ANO2: variants seen among roughly 807,000 people sequenced by gnomAD.
ANO2 encodes anoctamin-2.
In ANO2, 101 loss-of-function variants were observed where a neutral mutation model predicts 124.2. The ratio of observed to expected loss-of-function variants is 0.81; its 90% CI spans 0.69 to 0.96. The LOEUF (loss-of-function observed/expected upper bound fraction) is 0.96, where lower values mean the gene tolerates loss of function less well. Ranked by LOEUF, ANO2 falls within the 40% of genes least tolerant of loss-of-function variation. The probability of loss-of-function intolerance (pLI) is 0.00; values close to 1 mark genes in which losing one functional copy is unlikely to be tolerated. For missense variants in ANO2, 1,293 were observed against 1,274.5 expected (o/e 1.01, Z -0.22); for synonymous variants, 486 against 482.5 (o/e 1.01, Z -0.09).
chr12:5,759,650 G>A (rs1951682719), intron 10 of ANO2, among the ~76,000 whole-genome samples: 1 of 149,740 alleles, frequency 6.7e-6, no homozygotes, highest in Middle Eastern at 3.2e-3. Flanking sequence ...AATGCCTGAT[G>A]ATCTGAGGTA....
chr12:5,897,737 CAAA>C lies in ANO2; in HGVS notation c.534+23300_534+23302del, dbSNP rs59719568. On this transcript the variant is annotated intron_variant, in intron 3 of 24. Transcript: ENST00000682330. The stretch of plus-strand genomic sequence containing the variant: ...CTCACACCTCATGCCACATACAGAC[CAAA>C]AAAAAAAAAAATCAATTCTATGTGG... 9.8e-4 allele frequency among the ~76,000 whole-genome samples: 130 copies of C among 132,476 alleles called. 1 individual carries two copies. The highest frequency in any genetic ancestry group is 4.0e-3 in the Middle Eastern group (1 of 252). 86.9% of individuals were successfully genotyped at this position (132,476 alleles called of 152,430 possible). A position where few individuals can be genotyped will look rare whatever the true frequency, so the allele number is the denominator to read the frequency against.
chr12:5,718,934 A>G (rs1015749212), intron 14 of ANO2, among the ~76,000 whole-genome samples: 140 of 152,152 alleles, frequency 9.2e-4, no homozygotes, highest in African/African-American at 3.2e-3. Flanking sequence ...GCCACCTCCT[A>G]CTGATGGGAG....
chr12:5,704,641 C>A (rs1949534463), intron 14 of ANO2, among the ~76,000 whole-genome samples: 1 of 151,996 alleles, frequency 6.6e-6, no homozygotes, highest in Non-Finnish European at 1.5e-5. Context: ...CCTGATTCTG[C>A]CCTTGGAAGT....
intron 4 of ANO2, among the ~76,000 whole-genome samples, chr12:5,840,459 C>CT (rs1024393607): frequency 1.1e-4 from 17 of 151,996 alleles, no homozygotes; most frequent in Non-Finnish European, 2.1e-4. Context: ...GGGAATGAAG[C>CT]TGCATATATT....
intron 10 of ANO2, among the ~76,000 whole-genome samples, chr12:5,757,540 TAGAAGAACTAAAGGGTA>T: frequency 6.6e-6 from 1 of 152,304 alleles, no homozygotes; most frequent in African/African-American, 2.4e-5. Flanking sequence ...CACACATTGA[TAGAAGAACTAAAGGGTA>T]AGAAGAACAG....
At chr12:5,690,148 T>C (rs1451114314) in intron 14 of ANO2, among the ~76,000 whole-genome samples, 2 of 152,066 alleles carry the variant, frequency 1.3e-5, no homozygotes, top group Non-Finnish European at 2.9e-5. Flanking sequence ...CACTCCCTAA[T>C]ACAGGCATTC....
At position 5,806,227 on chromosome 12, in the gene ANO2, A is replaced by G. The variant is rs536516380; in HGVS notation, c.949-134T>C. Reference sequence around the variant, plus strand: ...TTCCCATTTAAGGAAGGTCAAAAGCATGGCATGGTAAGGGGCTGATATTCC... The same window carrying G: ...TTCCCATTTAAGGAAGGTCAAAAGCGTGGCATGGTAAGGGGCTGATATTCC... On this transcript the variant is annotated intron_variant, in intron 8 of 24. Transcript: ENST00000682330. The G allele has an allele frequency of 5.3e-5, 47 of 891,888 alleles. No homozygotes were observed. The Middle Eastern group carries it at 2.5e-3, about 48-fold the overall frequency. The allele number at this position is 891,888 out of a possible 1,614,324, so 55.2% of individuals were successfully genotyped here.
intron 16 of ANO2, among the ~76,000 whole-genome samples, chr12:5,631,742 G>A (rs146995011): frequency 6.8e-4 from 104 of 152,306 alleles, no homozygotes; most frequent in African/African-American, 2.4e-3. Flanking sequence ...GAGCAAGGCC[G>A]GGGTGGGACA....
chr12:5,679,050 C>G (rs1948382138), intron 14 of ANO2, among the ~76,000 whole-genome samples: 1 of 152,348 alleles, frequency 6.6e-6, no homozygotes, highest in South Asian at 2.1e-4. Flanking sequence ...GACACGACCT[C>G]TAAAACTCAG....
intron 14 of ANO2, among the ~76,000 whole-genome samples, chr12:5,717,578 C>T (rs1027112519): frequency 2.0e-5 from 3 of 152,266 alleles, no homozygotes; most frequent in African/African-American, 7.2e-5. Flanking sequence ...CTGAGCTTAC[C>T]CTTCCCATGA....
chr12:5,920,905 TG>T, intron 3 of ANO2, 134 bp downstream of exon 3: 2 of 1,063,448 alleles, frequency 1.9e-6, no homozygotes, highest in Non-Finnish European at 2.6e-6. Context: ...AAACAAAATC[TG>T]GTTTCTCCAG....
intron 14 of ANO2, among the ~76,000 whole-genome samples, chr12:5,691,370 A>G (rs1948938564): frequency 6.6e-6 from 1 of 151,792 alleles, no homozygotes; most frequent in Non-Finnish European, 1.5e-5. Flanking sequence ...GAAAAAGAAA[A>G]AAAGAAATAA....
chr12:5,725,506 C>T (rs1293337203), intron 14 of ANO2, among the ~76,000 whole-genome samples: 2 of 152,138 alleles, frequency 1.3e-5, no homozygotes, highest in Non-Finnish European at 2.9e-5. Flanking sequence ...TGTGCTGACC[C>T]CAAAAACTAT....
rs1457905011 is a variant in ANO2, at chr12:5,925,965, G to A, written c.23-3161C>T. Among the ~76,000 whole-genome samples, 3 of 152,182 alleles carry A rather than the reference G, an allele frequency of 2.0e-5. No individual in the cohort carries two copies. Among genetic ancestry groups the A allele is most frequent in the African/African-American group, 4.8e-5 (2 of 41,448 alleles). ...GTTTCACTCTAACTCTTGCTCTCCTGCAGGCACCAGGTCCACACATTCCCC... is the reference window on the plus strand; with the variant it reads ...GTTTCACTCTAACTCTTGCTCTCCTACAGGCACCAGGTCCACACATTCCCC... On this transcript the variant is annotated intron_variant, in intron 1 of 24. Transcript: ENST00000682330. This position sits in a 1 kb window ranked among gnomAD's most constrained non-coding sequence, Gnocchi z 4.6.
intron 14 of ANO2, among the ~76,000 whole-genome samples, chr12:5,681,917 A>T (rs1013102954): frequency 1.3e-5 from 2 of 152,232 alleles, no homozygotes; most frequent in Non-Finnish European, 1.5e-5. Flanking sequence ...AGAGGATAAG[A>T]ACAGATTCTG....
At chr12:5,652,481 T>A (rs930918671) in intron 14 of ANO2, among the ~76,000 whole-genome samples, 1 of 152,214 alleles carries the variant, frequency 6.6e-6, no homozygotes, top group African/African-American at 2.4e-5. Flanking sequence ...GTACCATTTA[T>A]ATTAGTTTTT....
intron 11 of ANO2, among the ~76,000 whole-genome samples, chr12:5,749,476 G>A (rs904505234): frequency 5.9e-5 from 9 of 152,264 alleles, no homozygotes; most frequent in Admixed American, 6.5e-5. Flanking sequence ...AAAATATGTA[G>A]TGTAACCAAC....
At chr12:5,684,877 G>C (rs1948642136) in intron 14 of ANO2, among the ~76,000 whole-genome samples, 1 of 152,144 alleles carries the variant, frequency 6.6e-6, no homozygotes, top group Admixed American at 6.5e-5. Context: ...AGGGGTCCTG[G>C]GTGCAAATTC....
chr12:5,863,582 C>A (rs1269131023), intron 3 of ANO2, among the ~76,000 whole-genome samples: 1 of 152,076 alleles, frequency 6.6e-6, no homozygotes, highest in Admixed American at 6.5e-5. Context: ...ACAAAAGGAC[C>A]TGTGGAAATG....
Sources: gnomAD v4.1 joint callset for allele counts (sites outside exome capture counted in the v4.1 genomes callset) on GRCh38, gnomAD v4.1.1 for gene constraint, Gnocchi (gnomAD v3.1) non-coding constraint, MANE v1.5 for transcripts, NCBI Gene and HGNC (gene_info 2026-07-23, HGNC 2026-07-21) for gene names.